FSTL5: variants seen among roughly 807,000 people sequenced by gnomAD.
The protein encoded by FSTL5 is follistatin-related protein 5.
In FSTL5, 62 loss-of-function variants were observed where a neutral mutation model predicts 89.1. That is an observed-to-expected ratio of 0.70 (90% CI 0.57 to 0.86). The LOEUF (loss-of-function observed/expected upper bound fraction) is 0.86. Ranked by LOEUF, FSTL5 falls within the 40% of genes least tolerant of loss-of-function variation. The pLI is 0.00. For synonymous variants in FSTL5, 383 were observed against 346.2 expected (o/e 1.11, Z -1.18); for missense variants, 1,057 against 1,001.6 (o/e 1.06, Z -0.75).
At chr4:161,980,175 AAGAG>A (rs574509705) in intron 3 of FSTL5, among the ~76,000 whole-genome samples, 1 of 151,326 alleles carries the variant, frequency 6.6e-6, no homozygotes, top group Non-Finnish European at 1.5e-5. Flanking sequence ...AAGAAAAAGA[AAGAG>A]AGGAGGAGAC....
At chr4:162,063,502 A>T (rs183788675) in intron 2 of FSTL5, among the ~76,000 whole-genome samples, 1 of 151,996 alleles carries the variant, frequency 6.6e-6, no homozygotes, top group African/African-American at 2.4e-5. Context: ...TCATGGTAAA[A>T]TCCATTCTTT....
In FSTL5 at chr4:161,429,159, TG is replaced by T. The variant is rs1194063470; in HGVS notation, c.1841+25844del. ...GGGAAGACTGGGAAGGGCTTTTTTG[TG>T]TGTGTGTGTGGCTTGGATGGCAGCT... On this transcript the variant is annotated intron_variant, in intron 15 of 15. Transcript: ENST00000306100. 2.0e-5 allele frequency among the ~76,000 whole-genome samples: 3 copies of T among 151,800 alleles called. No homozygotes were observed. In the East Asian group the frequency reaches 5.9e-4, roughly 30 times the overall value.
intron 15 of FSTL5, among the ~76,000 whole-genome samples, chr4:161,410,976 G>T (rs1008334931): frequency 9.2e-6 from 1 of 109,248 alleles, no homozygotes; most frequent in African/African-American, 3.0e-5. Flanking sequence ...AAGATTGATA[G>T]ACCTTTAGCT....
chr4:161,405,690 G>A (rs1027573461), intron 15 of FSTL5, among the ~76,000 whole-genome samples: 6 of 151,962 alleles, frequency 3.9e-5, no homozygotes, highest in Non-Finnish European at 7.4e-5. Flanking sequence ...ATTCATCTAA[G>A]AACTTTAAAC....
chr4:162,036,904 T>G (rs1445923127), intron 2 of FSTL5, among the ~76,000 whole-genome samples: 2 of 151,914 alleles, frequency 1.3e-5, no homozygotes, highest in African/African-American at 4.8e-5. Flanking sequence ...AGAGGGTGAT[T>G]GAAATTTGTA....
chr4:161,603,354 T>G (rs1019848845), intron 7 of FSTL5, among the ~76,000 whole-genome samples: 1 of 152,148 alleles, frequency 6.6e-6, no homozygotes, highest in Non-Finnish European at 1.5e-5. Context: ...AAAATAAGGA[T>G]GGAGTCCCAA....
intron 2 of FSTL5, among the ~76,000 whole-genome samples, chr4:162,087,870 T>C (rs193293074): frequency 5.3e-5 from 8 of 152,286 alleles, no homozygotes; most frequent in Non-Finnish European, 8.8e-5. Flanking sequence ...ATACATTCAG[T>C]TGAGGTTACA....
At chr4:161,434,187 A>T (rs1732478177) in intron 15 of FSTL5, among the ~76,000 whole-genome samples, 1 of 152,168 alleles carries the variant, frequency 6.6e-6, no homozygotes, top group South Asian at 2.1e-4. Context: ...ACAGCATGGT[A>T]CTGGCATAAA....
intron 6 of FSTL5, among the ~76,000 whole-genome samples, chr4:161,663,278 A>T (rs961407945): frequency 2.0e-5 from 3 of 152,322 alleles, no homozygotes; most frequent in African/African-American, 7.2e-5. Flanking sequence ...AAAAGTCCAC[A>T]GTCCAAAGTC....
chr4:161,675,742 T>C (rs1737278922), intron 6 of FSTL5, among the ~76,000 whole-genome samples: 1 of 152,012 alleles, frequency 6.6e-6, no homozygotes, highest in South Asian at 2.1e-4. Flanking sequence ...AAATTGTTTT[T>C]TTACTTAAAC....
intron 10 of FSTL5, among the ~76,000 whole-genome samples, chr4:161,518,743 C>T (rs1004874870): frequency 1.6e-4 from 25 of 152,084 alleles, no homozygotes; most frequent in African/African-American, 5.6e-4. Flanking sequence ...ACCAAGTAAA[C>T]AAAGTAGGCA....
intron 4 of FSTL5, among the ~76,000 whole-genome samples, chr4:161,882,038 G>T (rs1732651342): frequency 6.6e-6 from 1 of 152,058 alleles, no homozygotes; most frequent in Non-Finnish European, 1.5e-5. Flanking sequence ...GATTACTTAA[G>T]ATTTCTATTT....
At chr4:162,102,732 T>C (rs1731051228) in intron 2 of FSTL5, among the ~76,000 whole-genome samples, 3 of 146,500 alleles carry the variant, frequency 2.0e-5, no homozygotes, top group South Asian at 2.1e-4. Flanking sequence ...TTTATATTTA[T>C]ATTCATATAT....
chr4:161,962,404 T>C (rs1450942758), intron 3 of FSTL5, among the ~76,000 whole-genome samples: 7 of 152,040 alleles, frequency 4.6e-5, no homozygotes. Context: ...ATGGTTCTTG[T>C]TGTGACATCT....
In FSTL5 at chr4:161,462,467, G is replaced by A. The variant is rs185416279; in HGVS notation, c.1609-3148C>T. 3.9e-5 allele frequency among the ~76,000 whole-genome samples: 6 copies of A among 152,254 alleles called. No individual in the cohort carries two copies. In the East Asian group the frequency reaches 1.2e-3, roughly 29 times the overall value. On this transcript the variant is annotated intron_variant, in intron 13 of 15. Transcript: ENST00000306100. Reference sequence around the variant, plus strand: ...AAGTCAGTATAGATCATGTTTATGAGCATTTATTCTGAAGCCAATTTCAAA... The same window carrying A: ...AAGTCAGTATAGATCATGTTTATGAACATTTATTCTGAAGCCAATTTCAAA...
intron 1 of FSTL5, among the ~76,000 whole-genome samples, chr4:162,120,828 G>A (rs949020979): frequency 2.0e-5 from 3 of 151,930 alleles, no homozygotes; most frequent in Non-Finnish European, 2.9e-5. Context: ...TAGTGTCTAA[G>A]AAATTTTTTA....
intron 1 of FSTL5, among the ~76,000 whole-genome samples, chr4:162,114,435 A>G (rs1295989621): frequency 6.6e-6 from 1 of 152,028 alleles, no homozygotes; most frequent in Non-Finnish European, 1.5e-5. Context: ...GTGAGGTCAG[A>G]AATTTCTTTA....
chr4:161,455,045 A>G lies in FSTL5; in HGVS notation c.1800T>C (p.Asp600=). The G allele has an allele frequency of 6.2e-7, 1 of 1,613,754 alleles. No homozygotes were observed. The highest frequency in any genetic ancestry group is 8.5e-7 in the Non-Finnish European group (1 of 1,179,816). The part of the protein sequence containing the change: ...PVGKQFDRVD[D]FFIPTTTLII... The stretch of plus-strand genomic sequence containing the variant: ...TGAGTGTTGTGGTGGGAATGAAAAA[A>G]TCATCCACTCTGTCAAATTGCTTTC... The change falls in exon 15 of 16, where the codon GAT becomes GAC. Residue 600 remains aspartate, a synonymous_variant. Transcript: ENST00000306100.
At chr4:161,567,390 T>C (rs1732856540) in intron 8 of FSTL5, among the ~76,000 whole-genome samples, 1 of 152,146 alleles carries the variant, frequency 6.6e-6, no homozygotes, top group African/African-American at 2.4e-5. Flanking sequence ...GTTAAATCTT[T>C]AAGATCAAAT....
Sources: allele counts gnomAD v4.1 joint callset (sites outside exome capture counted in the v4.1 genomes callset), GRCh38; gene constraint gnomAD v4.1.1; transcripts MANE v1.5; gene names NCBI Gene and HGNC (gene_info 2026-07-23, HGNC 2026-07-21).